The following MUS81 variants were observed in gnomAD, a reference collection of about 807,000 sequenced individuals.
MUS81 encodes the protein structure-specific endonuclease subunit MUS81.
A neutral mutation model predicts 74.2 loss-of-function variants in MUS81; 69 were observed. That is an observed-to-expected ratio of 0.93 (90% confidence interval 0.77 to 1.14). The LOEUF is 1.14. MUS81 is among the 50% of genes most tolerant of loss of function. The probability of loss-of-function intolerance (pLI) is 0.00; values close to 1 mark genes in which losing one functional copy is unlikely to be tolerated. For synonymous variants in MUS81, 303 were observed against 300.6 expected, an observed-to-expected ratio of 1.01 and a Z score of -0.08; for missense variants, 711 against 726.5, an observed-to-expected ratio of 0.98 and a Z score of 0.25.
In MUS81 at chr11:65,862,068, A is replaced by C. The variant is rs560131300; in HGVS notation, c.450+23A>C. 52 of 1,602,554 alleles carry C rather than the reference A, an allele frequency of 3.2e-5. No individual in the cohort carries two copies. In the South Asian group the frequency reaches 5.5e-4, roughly 17 times the overall value. The stretch of plus-strand genomic sequence containing the variant: ...CTGGTGAGCACTGGGCTACACCGGG[A>C]GGCGGAACCATGGCAGTGGGGTGGG... On this transcript the variant is annotated intron_variant, in intron 4 of 15. Transcript: ENST00000308110.
At position 65,863,902 on chromosome 11, in the gene MUS81, G is replaced by T. The variant is rs1179052474; in HGVS notation, c.1059+1G>T. On this transcript the variant is annotated splice_donor_variant, in intron 10 of 15. Transcript: ENST00000308110. LOFTEE classifies it high-confidence loss of function. ...CGACGGCCGCTTCCGGGAGCAGAAG[G>T]TAATTTTGCTGGCTTTGCCAGGCTT... The T allele has an allele frequency of 1.1e-5, 17 of 1,613,956 alleles. No homozygotes were observed. The highest frequency in any genetic ancestry group is 1.3e-5 in the Non-Finnish European group (15 of 1,179,936).
chr11:65,863,923 G>C (rs780063200), intron 10 of MUS81, 22 bp downstream of exon 10: 1 of 1,612,104 alleles, frequency 6.2e-7, no homozygotes, highest in Non-Finnish European at 8.5e-7. Flanking sequence ...GGCTTTGCCA[G>C]GCTTCCCTGC....
chr11:65,863,527 G>A, intron 8 of MUS81, 25 bp downstream of exon 8: 3 of 1,614,146 alleles, frequency 1.9e-6, no homozygotes, highest in East Asian at 2.2e-5. Flanking sequence ...GAGAAACGAG[G>A]GAGATGATCA....
At chr11:65,862,363 T>G in intron 5 of MUS81, 81 bp from the exon 6 acceptor site, 1 of 1,575,138 alleles carries the variant, frequency 6.3e-7, no homozygotes, top group Admixed American at 1.7e-5. Context: ...GGCCCATGTG[T>G]GGCCCATGGC....
At position 65,860,477 on chromosome 11, in the gene MUS81, C is replaced by G; in HGVS notation, c.-277C>G. On this transcript the variant is annotated 5_prime_UTR_variant, in exon 1 of 16. Coordinates refer to ENST00000308110, the MANE Select transcript of MUS81 (RefSeq NM_025128.5). ...AGGCTCCGGGGGCTGGGAAAGGGCG[C>G]GTCTCAAAGGCTGGCTGGAGTGGAG... 1.8e-6 allele frequency: 1 copy of G among 555,750 alleles called. No individual in the cohort carries two copies. The highest frequency in any genetic ancestry group is 1.9e-5 in the South Asian group (1 of 51,584). 34.4% of individuals were successfully genotyped at this position (555,750 alleles called of 1,614,324 possible).
At chr11:65,865,382 C>A in intron 14 of MUS81, 59 bp downstream of exon 14, 3 of 1,511,218 alleles carry the variant, frequency 2.0e-6, no homozygotes, top group Non-Finnish European at 1.8e-6. Context: ...ATGGAATTCA[C>A]CTTAATCCAT....
upstream of MUS81, among the ~76,000 whole-genome samples, chr11:65,859,797 T>C (rs1369465645): frequency 1.3e-5 from 2 of 152,254 alleles, no homozygotes; most frequent in African/African-American, 2.4e-5. Context: ...TGAAGCCCTT[T>C]GTAGGGTTTC....
chr11:65,863,286 C>G, intron 7 of MUS81, 81 bp downstream of exon 7: 1 of 1,578,034 alleles, frequency 6.3e-7, no homozygotes, highest in Non-Finnish European at 8.6e-7. Flanking sequence ...CAACCCATCA[C>G]CTGCAGCTGA....
chr11:65,864,331 G>A (rs372229966), intron 10 of MUS81, 166 bp from the exon 11 acceptor site: 2 of 646,564 alleles, frequency 3.1e-6, no homozygotes, highest in Admixed American at 2.4e-5. Flanking sequence ...GTCAGCATGA[G>A]CAAAGCTGCG....
At position 65,860,441 on chromosome 11, in the gene MUS81, G is replaced by T; in HGVS notation, c.-313G>T. The T allele has an allele frequency of 1.9e-6, 1 of 524,420 alleles. No homozygotes were observed. The highest frequency in any genetic ancestry group is 3.6e-6 in the Non-Finnish European group (1 of 279,876). 32.5% of individuals were successfully genotyped at this position (524,420 alleles called of 1,614,324 possible). ...GCTCTCGAATCTGGGGTGACAGGAA[G>T]GAGCCGGTCCAGGCTCCGGGGGCTG... is the stretch of plus-strand genomic sequence containing the variant. On this transcript the variant is annotated 5_prime_UTR_variant, in exon 1 of 16. The change creates a new upstream start codon in the 5' untranslated region. Transcript: ENST00000308110.
chr11:65,865,039 C>G lies in MUS81; in HGVS notation c.1295C>G (p.Pro432Arg), dbSNP rs759785707. Residue 432 changes from proline (P) to arginine (R), a missense_variant, in exon 13 of 16, where the codon CCC becomes CGC. Physicochemically the swap from Pro to Arg is moderately radical, Grantham distance 103. Coordinates refer to ENST00000308110, the MANE Select transcript of MUS81 (RefSeq NM_025128.5). ...LYQGHTLRSR[P>R]WGTPGNPESG... ...CAGGGCCACACCCTACGCAGCCGCC[C>G]CTGGGGAACCCCTGGGAACCCTGAA... 6.2e-7 allele frequency: 1 copy of G among 1,613,786 alleles called. No homozygotes were observed. Among genetic ancestry groups the G allele is most frequent in the African/African-American group, 1.3e-5 (1 of 74,926 alleles).
rs1328236367 is a variant in MUS81, at chr11:65,863,089, G to A, written c.630G>A (p.Leu210=). The change falls in exon 7 of 16, where the codon CTG becomes CTA. Residue 210 remains leucine, a synonymous_variant. Coordinates refer to ENST00000308110, the MANE Select transcript of MUS81 (RefSeq NM_025128.5). ...GGTACTCATTGACCCCAGAGGGCCT[G>A]GAGCTGGCCCAGAAGTTGGCCGAGT... is the stretch of plus-strand genomic sequence containing the variant. ...PARYSLTPEG[L]ELAQKLAESE... The A allele has an allele frequency of 1.2e-6, 2 of 1,614,150 alleles. No homozygotes were observed. Among genetic ancestry groups the A allele is most frequent in the East Asian group, 2.2e-5 (1 of 44,884 alleles).
chr11:65,861,706 C>A, intron 3 of MUS81: 1 of 603,054 alleles, frequency 1.7e-6, no homozygotes, highest in Middle Eastern at 4.3e-4. Flanking sequence ...CTAATTACAC[C>A]TGTCCTGCAG....
intron 3 of MUS81, 43 bp from the exon 4 acceptor site, chr11:65,861,904 G>A (rs755231193): frequency 1.3e-6 from 2 of 1,499,726 alleles, no homozygotes; most frequent in South Asian, 1.2e-5. Flanking sequence ...ATTCAAAGAT[G>A]ACTGGCTGGC....
At chr11:65,864,261 G>C (rs1405504137) in intron 10 of MUS81, 1 of 594,498 alleles carries the variant, frequency 1.7e-6, no homozygotes, top group Non-Finnish European at 3.0e-6. Context: ...TGCCGGCCCA[G>C]GGGAGGCTTG....
downstream of MUS81, chr11:65,867,222 C>G: frequency 1.1e-6 from 1 of 903,686 alleles, no homozygotes; most frequent in Non-Finnish European, 1.7e-6. Context: ...TCATGCAGCT[C>G]TTTGACACCC....
chr11:65,863,949 G>GT (rs767064140), intron 10 of MUS81, 48 bp downstream of exon 10: 2 of 1,591,270 alleles, frequency 1.3e-6, no homozygotes, highest in Admixed American at 3.3e-5. Flanking sequence ...CCGAAGCCCC[G>GT]TTTTCAGCCC....
At position 65,863,818 on chromosome 11, in the gene MUS81, T is replaced by C. The variant is rs752342141; in HGVS notation, c.976T>C (p.Leu326=). 6 of 1,613,316 alleles carry C rather than the reference T, an allele frequency of 3.7e-6. No individual in the cohort carries two copies. The highest frequency in any genetic ancestry group is 2.2e-5 in the East Asian group (1 of 44,872). Residue 326 remains leucine, a synonymous_variant, in exon 10 of 16, where the codon TTG becomes CTG. Coordinates refer to ENST00000308110, the MANE Select transcript of MUS81 (RefSeq NM_025128.5). ...CTTGTCAGCAGCAAACCCTGGGGAG[T>C]TGGTACTGGATCACATTGTGGAGCG... ...NPRDPANPGE[L]VLDHIVERKR...
At chr11:65,866,640 C>G (rs1297383053), downstream of MUS81, 1 of 703,448 alleles carries the variant, frequency 1.4e-6, no homozygotes, top group Non-Finnish European at 2.6e-6. Context: ...CTCCTCGTTA[C>G]CTCCTCTCCT....
Sources: allele counts gnomAD v4.1 joint callset (sites outside exome capture counted in the v4.1 genomes callset), GRCh38; gene constraint gnomAD v4.1.1; transcripts MANE v1.5; gene names NCBI Gene and HGNC (gene_info 2026-07-23, HGNC 2026-07-21).